PLPP3: variants seen among roughly 807,000 people sequenced by gnomAD.
The protein encoded by PLPP3 is PAP2 beta.
Under a neutral mutation model 29.6 loss-of-function variants are expected in PLPP3, and 6 were observed. The ratio of observed to expected loss-of-function variants is 0.20; its 90% CI spans 0.11 to 0.40. PLPP3 has a LOEUF of 0.40. Among genes scored for constraint, PLPP3 ranks in the 10% least tolerant of loss-of-function variants. The probability of loss-of-function intolerance (pLI) is 1.00; values close to 1 mark genes in which losing one functional copy is unlikely to be tolerated. For synonymous variants in PLPP3, 152 were observed against 159.7 expected (o/e 0.95, Z 0.36); for missense variants, 308 against 407.7 (o/e 0.76, Z 2.11).
chr1:56,531,283 C>T (rs545209461), intron 2 of PLPP3, among the ~76,000 whole-genome samples: 1 of 152,298 alleles, frequency 6.6e-6, no homozygotes, highest in South Asian at 2.1e-4. Context: ...CCATGCACTG[C>T]CCTGACTCTC....
intron 5 of PLPP3, among the ~76,000 whole-genome samples, chr1:56,498,282 T>A (rs1645642303): frequency 6.6e-6 from 1 of 152,216 alleles, no homozygotes; most frequent in African/African-American, 2.4e-5. Flanking sequence ...AAAGAAAAGA[T>A]CTGTGCACAA....
At chr1:56,523,924 C>T in intron 3 of PLPP3, 44 bp from the exon 4 acceptor site, 2 of 1,584,414 alleles carry the variant, frequency 1.3e-6, no homozygotes, top group Non-Finnish European at 1.7e-6. Flanking sequence ...TATTCACATC[C>T]CTGATACACA....
intron 1 of PLPP3, among the ~76,000 whole-genome samples, chr1:56,542,947 C>T (rs556870292): frequency 1.8e-4 from 27 of 149,246 alleles, no homozygotes; most frequent in Non-Finnish European, 2.5e-4. Flanking sequence ...GCCCAGAAGG[C>T]GGAGGTTGCA....
intron 1 of PLPP3, among the ~76,000 whole-genome samples, chr1:56,563,509 C>T (rs1487273637): frequency 6.6e-6 from 1 of 152,170 alleles, no homozygotes; most frequent in African/African-American, 2.4e-5. Flanking sequence ...AAGTATTCTC[C>T]TACCATGGCT....
intron 5 of PLPP3, among the ~76,000 whole-genome samples, chr1:56,508,248 G>A (rs112647460): frequency 0.016 from 2,414 of 152,242 alleles, 65 homozygotes; most frequent in African/African-American, 0.055. Context: ...TTGACATGCC[G>A]GGAGGTGAAG....
At chr1:56,541,704 A>C (rs1020024430) in intron 1 of PLPP3, among the ~76,000 whole-genome samples, 1 of 152,108 alleles carries the variant, frequency 6.6e-6, no homozygotes, top group South Asian at 2.1e-4. Context: ...CTTTCTATAA[A>C]GTAAGTGAGT....
intron 1 of PLPP3, among the ~76,000 whole-genome samples, chr1:56,572,142 TG>T (rs1230509824): frequency 1.5e-5 from 2 of 132,670 alleles, no homozygotes; most frequent in Non-Finnish European, 3.1e-5. Context: ...CTCTGCCAAC[TG>T]GGTTCCAGCA....
At chr1:56,551,309 C>CTTTGCTTT (rs1274587106) in intron 1 of PLPP3, among the ~76,000 whole-genome samples, 8 of 137,620 alleles carry the variant, frequency 5.8e-5, no homozygotes, top group African/African-American at 1.3e-4. Context: ...CGGTTCGGTT[C>CTTTGCTTT]GGTTCGGTTC....
At chr1:56,559,671 C>T (rs1646108170) in intron 1 of PLPP3, among the ~76,000 whole-genome samples, 1 of 151,792 alleles carries the variant, frequency 6.6e-6, no homozygotes. Flanking sequence ...TGCAAAATAA[C>T]CAAATCCATT....
chr1:56,576,567 A>T (rs1646236967), intron 1 of PLPP3, among the ~76,000 whole-genome samples: 1 of 152,242 alleles, frequency 6.6e-6, no homozygotes, highest in African/African-American at 2.4e-5. Context: ...ACATTGATCA[A>T]TAAGTCACTT....
At chr1:56,498,000 T>C (rs945894870) in intron 5 of PLPP3, among the ~76,000 whole-genome samples, 1 of 152,254 alleles carries the variant, frequency 6.6e-6, no homozygotes, top group Middle Eastern at 3.4e-3. Context: ...TTTGTACCCA[T>C]TGCATATATT....
chr1:56,510,388 A>G (rs1436501932), intron 5 of PLPP3, among the ~76,000 whole-genome samples: 5 of 152,246 alleles, frequency 3.3e-5, no homozygotes, highest in Non-Finnish European at 7.3e-5. Flanking sequence ...AAAAGAAAGC[A>G]AGGGAGAAAG....
At chr1:56,536,284 CA>C (rs1164034266) in intron 2 of PLPP3, among the ~76,000 whole-genome samples, 1 of 152,172 alleles carries the variant, frequency 6.6e-6, no homozygotes, top group African/African-American at 2.4e-5. Flanking sequence ...CCACAACTGT[CA>C]ATTTGGAGCA....
intron 1 of PLPP3, among the ~76,000 whole-genome samples, chr1:56,576,016 G>A (rs1278746436): frequency 1.3e-5 from 2 of 152,138 alleles, no homozygotes. Context: ...GGTAAAGATA[G>A]CTGTCCAATG....
chr1:56,526,756 C>A (rs1645855509), intron 2 of PLPP3, among the ~76,000 whole-genome samples: 1 of 152,174 alleles, frequency 6.6e-6, no homozygotes, highest in Non-Finnish European at 1.5e-5. Context: ...TTATTCTCAA[C>A]TTTCCTGGGC....
chr1:56,502,169 G>T (rs1013754876), intron 5 of PLPP3, among the ~76,000 whole-genome samples: 1 of 152,074 alleles, frequency 6.6e-6, no homozygotes, highest in Admixed American at 6.5e-5. Context: ...AATTTTGAGG[G>T]TCATTTTGTT....
chr1:56,560,201 C>A (rs2100296076), intron 1 of PLPP3, among the ~76,000 whole-genome samples: 1 of 152,236 alleles, frequency 6.6e-6, no homozygotes, highest in East Asian at 1.9e-4. Flanking sequence ...GACCTCGACA[C>A]CCAGCACAGA....
chr1:56,536,104 T>A (rs2100264796), intron 2 of PLPP3, among the ~76,000 whole-genome samples: 1 of 152,320 alleles, frequency 6.6e-6, no homozygotes, highest in African/African-American at 2.4e-5. Context: ...GTGCTTTTCT[T>A]ATCTCACCAC....
intron 1 of PLPP3, among the ~76,000 whole-genome samples, chr1:56,568,916 C>T (rs1569610333): frequency 6.6e-6 from 1 of 152,046 alleles, no homozygotes; most frequent in Non-Finnish European, 1.5e-5. Context: ...TGAGCCACCG[C>T]GCCCGGCCCT....
Sources: allele counts gnomAD v4.1 joint callset (sites outside exome capture counted in the v4.1 genomes callset), GRCh38; gene constraint gnomAD v4.1.1; transcripts MANE v1.5; gene names NCBI Gene and HGNC (gene_info 2026-07-23, HGNC 2026-07-21).